Variants in RABGAP1L observed in about 807,000 individuals in gnomAD.
The protein encoded by RABGAP1L is rab GTPase-activating protein 1-like.
A neutral mutation model predicts 137.7 loss-of-function variants in RABGAP1L; 63 were observed. That is an observed-to-expected ratio of 0.46 (90% CI 0.37 to 0.56). RABGAP1L has a LOEUF of 0.56. RABGAP1L is among the 20% of genes least tolerant of loss of function. The pLI is 0.00. For missense variants in RABGAP1L, 1,095 were observed against 1,244.0 expected (o/e 0.88, Z 1.80); for synonymous variants, 431 against 433.7 (o/e 0.99, Z 0.08).
intron 1 of RABGAP1L, among the ~76,000 whole-genome samples, chr1:174,165,141 G>A (rs1664798044): frequency 1.3e-5 from 2 of 152,060 alleles, no homozygotes; most frequent in South Asian, 4.2e-4. Context: ...TAGAGAGGAG[G>A]GAGAGATTAC....
chr1:174,704,285 C>T (rs551174100), intron 17 of RABGAP1L, among the ~76,000 whole-genome samples: 1 of 152,134 alleles, frequency 6.6e-6, no homozygotes, highest in Non-Finnish European at 1.5e-5. Context: ...ATTCCTCTTT[C>T]TTAAAAGGAA....
At chr1:174,835,595 T>G (rs1275540306) in intron 19 of RABGAP1L, among the ~76,000 whole-genome samples, 1 of 149,346 alleles carries the variant, frequency 6.7e-6, no homozygotes, top group African/African-American at 2.6e-5. Flanking sequence ...CAAATCTATT[T>G]TCTTTTCTTT....
intron 13 of RABGAP1L, among the ~76,000 whole-genome samples, chr1:174,520,899 G>A (rs1275710797): frequency 6.6e-6 from 1 of 152,160 alleles, no homozygotes; most frequent in Non-Finnish European, 1.5e-5. Flanking sequence ...TACTTGGGAG[G>A]CTGAGGCAGG....
At chr1:174,563,249 TTA>T (rs1667343949) in intron 13 of RABGAP1L, among the ~76,000 whole-genome samples, 1 of 152,174 alleles carries the variant, frequency 6.6e-6, no homozygotes, top group South Asian at 2.1e-4. Context: ...AACTTAAAAT[TTA>T]TGTTTGGTTT....
chr1:174,543,891 ATTCTT>A (rs1234671497), intron 13 of RABGAP1L, among the ~76,000 whole-genome samples: 2 of 152,264 alleles, frequency 1.3e-5, no homozygotes, highest in South Asian at 4.1e-4. Flanking sequence ...TGGGTTGAAA[ATTCTT>A]TTCTTTAAGA....
intron 14 of RABGAP1L, among the ~76,000 whole-genome samples, chr1:174,669,285 G>A (rs941127458): frequency 7.9e-5 from 12 of 152,096 alleles, no homozygotes; most frequent in Non-Finnish European, 4.4e-5. Flanking sequence ...GGGGGAAACC[G>A]CTTCCCTGAT....
chr1:174,423,570 T>A (rs1236213890), intron 13 of RABGAP1L, among the ~76,000 whole-genome samples: 1 of 152,148 alleles, frequency 6.6e-6, no homozygotes, highest in Non-Finnish European at 1.5e-5. Context: ...TTAAAAGACT[T>A]CTGGGCCAAA....
intron 13 of RABGAP1L, among the ~76,000 whole-genome samples, chr1:174,619,417 C>A (rs1672230514): frequency 6.6e-6 from 1 of 152,302 alleles, no homozygotes; most frequent in East Asian, 1.9e-4. Context: ...CAAAGGGAAG[C>A]CCATCAGACT....
chr1:174,380,248 T>A (rs1304216619), intron 12 of RABGAP1L, among the ~76,000 whole-genome samples: 1 of 152,218 alleles, frequency 6.6e-6, no homozygotes. Flanking sequence ...TCTAAAATTC[T>A]CTTTTTTGGT....
chr1:174,808,323 A>G (rs944962326), intron 18 of RABGAP1L, among the ~76,000 whole-genome samples: 1 of 152,042 alleles, frequency 6.6e-6, no homozygotes, highest in South Asian at 2.1e-4. Context: ...GCATGGTGGC[A>G]CACGCATGTA....
chr1:174,692,621 A>G (rs1572828453), intron 15 of RABGAP1L, among the ~76,000 whole-genome samples: 1 of 152,168 alleles, frequency 6.6e-6, no homozygotes, highest in African/African-American at 2.4e-5. Context: ...CATGTTATCA[A>G]CTTAAATTCC....
intron 14 of RABGAP1L, among the ~76,000 whole-genome samples, chr1:174,667,939 A>G (rs946939056): frequency 3.3e-5 from 5 of 152,198 alleles, no homozygotes; most frequent in African/African-American, 4.8e-5. Flanking sequence ...TAAATACTCA[A>G]TTGCTGAGTG....
intron 14 of RABGAP1L, among the ~76,000 whole-genome samples, chr1:174,648,968 CT>C (rs958197796): frequency 9.2e-5 from 14 of 152,024 alleles, no homozygotes; most frequent in African/African-American, 3.4e-4. Flanking sequence ...CCATCTTTGA[CT>C]TTTTTGATCT....
intron 1 of RABGAP1L, among the ~76,000 whole-genome samples, chr1:174,202,193 A>G (rs1668161407): frequency 1.3e-5 from 2 of 151,986 alleles, no homozygotes; most frequent in East Asian, 1.9e-4. Flanking sequence ...GTCAAATGGT[A>G]TTTCTAGTTC....
intron 15 of RABGAP1L, among the ~76,000 whole-genome samples, chr1:174,689,308 T>G (rs1383909750): frequency 6.6e-6 from 1 of 151,810 alleles, no homozygotes; most frequent in Non-Finnish European, 1.5e-5. Flanking sequence ...GATAAAGGCT[T>G]CATTTTGAAG....
Position 174,539,870 on chromosome 1 carries a change from T to C in RABGAP1L, c.1711-97505T>C, listed in dbSNP as rs1045118938. Among the ~76,000 whole-genome samples the C allele has an allele frequency of 7.2e-5, 11 of 152,248 alleles. 1 individual carries two copies. The highest frequency in any genetic ancestry group is 2.7e-4 in the African/African-American group (11 of 41,466). On this transcript the variant is annotated intron_variant, in intron 13 of 25. Transcript: ENST00000681986. ...CTAGATCATTGAGGAATCGCCACAC[T>C]GTCTTCCACAAGGGTTGAACTAGTT...
chr1:174,653,645 C>T (rs332806), intron 14 of RABGAP1L, among the ~76,000 whole-genome samples: 55,952 of 152,116 alleles, frequency 0.37, 13,501 homozygotes, highest in African/African-American at 0.69. Context: ...GTGTTGGAAA[C>T]GCAGAAATCA....
chr1:174,232,055 T>A (rs1391316546), intron 4 of RABGAP1L, among the ~76,000 whole-genome samples: 2 of 152,160 alleles, frequency 1.3e-5, no homozygotes, highest in Admixed American at 1.3e-4. Context: ...AGCATAAAAA[T>A]CTGCCTTCAG....
intron 14 of RABGAP1L, among the ~76,000 whole-genome samples, chr1:174,656,012 A>G (rs1675939609): frequency 6.6e-6 from 1 of 152,238 alleles, no homozygotes. Context: ...TTATTGTTAT[A>G]GAGTTGTCAT....
Sources: allele counts gnomAD v4.1 joint callset (sites outside exome capture counted in the v4.1 genomes callset), GRCh38; gene constraint gnomAD v4.1.1; transcripts MANE v1.5; gene names NCBI Gene and HGNC (gene_info 2026-07-23, HGNC 2026-07-21).